The following DENND5B variants were observed in gnomAD, a reference collection of about 807,000 sequenced individuals.
DENND5B encodes the protein DENN domain containing 5B.
In DENND5B, 34 loss-of-function variants were observed where a neutral mutation model predicts 140.6. The observed-to-expected ratio is 0.24, with a 90% CI of 0.18 to 0.32. The LOEUF is 0.32. Ranked by LOEUF, DENND5B falls within the 10% of genes least tolerant of loss-of-function variation. The pLI, the probability that DENND5B is intolerant of heterozygous loss-of-function variation, is 1.00. For synonymous variants in DENND5B, 551 were observed against 562.1 expected (o/e 0.98, Z 0.28); for missense variants, 1,142 against 1,560.2 (o/e 0.73, Z 4.52).
intron 1 of DENND5B, among the ~76,000 whole-genome samples, chr12:31,525,749 G>C (rs539087958): frequency 7.9e-5 from 12 of 152,300 alleles, no homozygotes; most frequent in African/African-American, 2.9e-4. Flanking sequence ...CCAGCACTTT[G>C]GGAGGCTGAG....
chr12:31,472,879 G>A (rs1003012267), intron 3 of DENND5B, among the ~76,000 whole-genome samples: 1 of 152,128 alleles, frequency 6.6e-6, no homozygotes, highest in African/African-American at 2.4e-5. Context: ...TCAAGGGATG[G>A]AGAAGTTTCT....
intron 8 of DENND5B, 152 bp downstream of exon 8, chr12:31,433,003 A>C: frequency 1.6e-6 from 1 of 618,236 alleles, no homozygotes; most frequent in Non-Finnish European, 2.7e-6. Flanking sequence ...TTTCTGCTAT[A>C]TGTCCGTACA....
At chr12:31,535,792 A>C (rs1295402130) in intron 1 of DENND5B, among the ~76,000 whole-genome samples, 1 of 152,194 alleles carries the variant, frequency 6.6e-6, no homozygotes, top group Non-Finnish European at 1.5e-5. Context: ...GACCTCACCA[A>C]ATGAACTAAA....
chr12:31,583,708 C>CA (rs1555177486), intron 1 of DENND5B, among the ~76,000 whole-genome samples: 4,551 of 108,468 alleles, frequency 0.042, 110 homozygotes, highest in Non-Finnish European at 0.067. Context: ...CAAAAACAAA[C>CA]AACAACAACA....
intron 14 of DENND5B, among the ~76,000 whole-genome samples, chr12:31,408,556 G>T (rs1201920970): frequency 6.7e-6 from 1 of 149,416 alleles, no homozygotes; most frequent in Non-Finnish European, 1.5e-5. Flanking sequence ...GAACCCAGGA[G>T]GTGGAGGCTG....
At chr12:31,456,338 A>G (rs1944779437) in intron 4 of DENND5B, among the ~76,000 whole-genome samples, 1 of 152,042 alleles carries the variant, frequency 6.6e-6, no homozygotes, top group Non-Finnish European at 1.5e-5. Flanking sequence ...TCAAAAAAAA[A>G]AAAAAAAAAA....
At chr12:31,573,237 A>C (rs896032979) in intron 1 of DENND5B, among the ~76,000 whole-genome samples, 5 of 152,228 alleles carry the variant, frequency 3.3e-5, no homozygotes, top group African/African-American at 1.2e-4. Context: ...TTAAATCCCA[A>C]GGCAAATTTG....
intron 1 of DENND5B, among the ~76,000 whole-genome samples, chr12:31,562,626 AT>A (rs1949514475): frequency 6.6e-6 from 1 of 152,122 alleles, no homozygotes; most frequent in African/African-American, 2.4e-5. Flanking sequence ...AAAAAAAAAA[AT>A]GAAATAAAAT....
At chr12:31,438,941 A>C (rs1331661395) in intron 7 of DENND5B, among the ~76,000 whole-genome samples, 1 of 152,198 alleles carries the variant, frequency 6.6e-6, no homozygotes, top group Non-Finnish European at 1.5e-5. Flanking sequence ...AAAAGGATAA[A>C]GATTAACTTA....
intron 2 of DENND5B, among the ~76,000 whole-genome samples, chr12:31,485,024 C>T (rs1435911944): frequency 2.6e-5 from 4 of 152,120 alleles, no homozygotes; most frequent in Admixed American, 1.3e-4. Context: ...AAAAAGGTCA[C>T]GGTCACTGTT....
intron 1 of DENND5B, among the ~76,000 whole-genome samples, chr12:31,512,921 CG>C (rs1565653118): frequency 6.6e-6 from 1 of 152,096 alleles, no homozygotes; most frequent in Non-Finnish European, 1.5e-5. Context: ...ACATTATTAG[CG>C]AAAGTCTAAA....
At chr12:31,409,552 C>T (rs1942330656) in intron 13 of DENND5B, among the ~76,000 whole-genome samples, 168 bp from the exon 14 acceptor site, 1 of 146,092 alleles carries the variant, frequency 6.8e-6, no homozygotes, top group African/African-American at 2.5e-5. Context: ...AATCTCAGCT[C>T]ACTGCAAACT....
chr12:31,549,512 T>G (rs551412702), intron 1 of DENND5B, among the ~76,000 whole-genome samples: 148 of 151,882 alleles, frequency 9.7e-4, no homozygotes, highest in African/African-American at 3.5e-3. Flanking sequence ...AGGCCATTCT[T>G]TTTTTTTAAT....
At chr12:31,432,006 G>A in intron 8 of DENND5B, 1 of 943,140 alleles carries the variant, frequency 1.1e-6, no homozygotes, top group Non-Finnish European at 1.3e-6. Flanking sequence ...AAGATTGGGG[G>A]AACATCTGGT....
At chr12:31,580,941 A>G (rs1950191855) in intron 1 of DENND5B, among the ~76,000 whole-genome samples, 1 of 152,002 alleles carries the variant, frequency 6.6e-6, no homozygotes, top group Non-Finnish European at 1.5e-5. Context: ...ATCTCTACAA[A>G]AAAAATTTTT....
intron 17 of DENND5B, among the ~76,000 whole-genome samples, chr12:31,395,629 T>C (rs1294528908): frequency 6.6e-6 from 1 of 151,910 alleles, no homozygotes; most frequent in Non-Finnish European, 1.5e-5. Context: ...ACAAAAAAAC[T>C]GCACTCATAG....
At position 31,479,825 on chromosome 12, in the gene DENND5B, A is replaced by T; in HGVS notation, c.668T>A (p.Leu223Ter). 1 of 1,613,838 alleles carries T rather than the reference A, an allele frequency of 6.2e-7. No individual in the cohort carries two copies. Among genetic ancestry groups the T allele is most frequent in the Non-Finnish European group, 8.5e-7 (1 of 1,179,818 alleles). The change falls in exon 3 of 21, where the codon TTG (leucine) becomes TAG (stop). Residue 223 changes from leucine (L) to a stop codon, truncating the protein, a stop_gained. Coordinates refer to ENST00000389082, the MANE Select transcript of DENND5B (RefSeq NM_144973.4). LOFTEE classifies it high-confidence loss of function. ...ATTGTGGATATAGCTTTCAAGTGGCAAGGGTGGTGGCTGCTGTGAGGTAAC... is the reference window on the plus strand; with the variant it reads ...ATTGTGGATATAGCTTTCAAGTGGCTAGGGTGGTGGCTGCTGTGAGGTAAC... ...KAVTSQQPPPLPLESYIHNIL... is the reference protein window; with the variant it reads ...KAVTSQQPPP
intron 1 of DENND5B, chr12:31,590,255 T>TC (rs1348583356): frequency 6.6e-6 from 1 of 152,330 alleles, no homozygotes. Context: ...TGAGTCCGAC[T>TC]CCCCGTCTCC....
At chr12:31,435,849 T>C (rs1414453507) in intron 7 of DENND5B, among the ~76,000 whole-genome samples, 3 of 151,974 alleles carry the variant, frequency 2.0e-5, no homozygotes, top group Non-Finnish European at 4.4e-5. Flanking sequence ...TTAGTAGAGA[T>C]GGGGTTTCAC....
Sources: allele counts gnomAD v4.1 joint callset (sites outside exome capture counted in the v4.1 genomes callset), GRCh38; gene constraint gnomAD v4.1.1; transcripts MANE v1.5; gene names NCBI Gene and HGNC (gene_info 2026-07-23, HGNC 2026-07-21).